Variants in PXDNL observed in about 807,000 individuals in gnomAD.
The protein encoded by PXDNL is probable oxidoreductase PXDNL.
PXDNL carries 145 observed loss-of-function variants against 150.8 expected under a neutral mutation model. That is an observed-to-expected ratio of 0.96 (90% CI 0.84 to 1.10). The LOEUF (loss-of-function observed/expected upper bound fraction) is 1.10, where lower values mean the gene tolerates loss of function less well. PXDNL is among the 50% of genes least tolerant of loss of function. The pLI is 0.00. For missense variants in PXDNL, 2,087 were observed against 1,873.9 expected, an observed-to-expected ratio of 1.11 and a Z score of -2.10; for synonymous variants, 757 against 725.7, an observed-to-expected ratio of 1.04 and a Z score of -0.69.
At chr8:51,427,227 TA>T (rs1191360733) in intron 12 of PXDNL, among the ~76,000 whole-genome samples, 1 of 152,150 alleles carries the variant, frequency 6.6e-6, no homozygotes, top group Non-Finnish European at 1.5e-5. Flanking sequence ...CTGTAACTAT[TA>T]AAAAAATGAA....
intron 1 of PXDNL, among the ~76,000 whole-genome samples, chr8:51,710,256 T>A (rs1408577314): frequency 4.6e-5 from 7 of 152,220 alleles, no homozygotes; most frequent in Admixed American, 4.6e-4. Flanking sequence ...CAAATAGATT[T>A]CTCCTTCCAT....
At chr8:51,393,299 T>C (rs1301224950) in intron 17 of PXDNL, among the ~76,000 whole-genome samples, 1 of 152,224 alleles carries the variant, frequency 6.6e-6, no homozygotes, top group Non-Finnish European at 1.5e-5. Context: ...CTTGACATAC[T>C]TTAAATTATT....
intron 17 of PXDNL, among the ~76,000 whole-genome samples, chr8:51,390,142 C>T (rs1192977565): frequency 6.6e-6 from 1 of 152,010 alleles, no homozygotes; most frequent in African/African-American, 2.4e-5. Flanking sequence ...GGATATAGGC[C>T]AAACTATCCA....
chr8:51,490,418 A>C (rs1477516276), intron 5 of PXDNL, among the ~76,000 whole-genome samples: 1 of 152,016 alleles, frequency 6.6e-6, no homozygotes, highest in Non-Finnish European at 1.5e-5. Flanking sequence ...GAGTAATATA[A>C]AGATAATAAC....
chr8:51,473,993 T>G (rs1196476695), intron 7 of PXDNL, among the ~76,000 whole-genome samples: 1 of 152,174 alleles, frequency 6.6e-6, no homozygotes, highest in African/African-American at 2.4e-5. Flanking sequence ...CAAACTTGAC[T>G]GTGGTTTGAA....
intron 2 of PXDNL, among the ~76,000 whole-genome samples, chr8:51,635,335 G>A (rs1814584774): frequency 6.6e-6 from 1 of 151,946 alleles, no homozygotes; most frequent in Admixed American, 6.6e-5. Flanking sequence ...AAACAGAAAA[G>A]CAAGCTAAAT....
intron 2 of PXDNL, among the ~76,000 whole-genome samples, chr8:51,604,817 G>A (rs1563480506): frequency 1.3e-5 from 2 of 152,022 alleles, no homozygotes; most frequent in African/African-American, 2.4e-5. Context: ...AACTGCTATT[G>A]TGTCATCTTC....
At chr8:51,502,234 C>A (rs1411037128) in intron 4 of PXDNL, among the ~76,000 whole-genome samples, 1 of 152,236 alleles carries the variant, frequency 6.6e-6, no homozygotes, top group African/African-American at 2.4e-5. Context: ...CAATTTCACA[C>A]AGCCAGCCTC....
At chr8:51,545,902 C>CT (rs1360664204) in intron 4 of PXDNL, among the ~76,000 whole-genome samples, 3 of 152,222 alleles carry the variant, frequency 2.0e-5, no homozygotes, top group South Asian at 4.1e-4. Context: ...ATTTTCATCT[C>CT]TATAGCCTCA....
chr8:51,680,254 C>A (rs1358214814), intron 1 of PXDNL, among the ~76,000 whole-genome samples: 1 of 152,132 alleles, frequency 6.6e-6, no homozygotes, highest in Admixed American at 6.5e-5. Flanking sequence ...ATGTGGGGTG[C>A]ATGTGGCTTG....
chr8:51,483,751 T>C (rs1810659186), intron 5 of PXDNL, 37 bp from the exon 6 acceptor site: 1 of 1,152,052 alleles, frequency 8.7e-7, no homozygotes, highest in African/African-American at 1.6e-5. Context: ...CACCATACAA[T>C]AATAATGAAT....
At chr8:51,325,288 A>G (rs1382426100) in intron 21 of PXDNL, among the ~76,000 whole-genome samples, 15 of 152,038 alleles carry the variant, frequency 9.9e-5, no homozygotes, top group Non-Finnish European at 1.5e-4. Context: ...TCGTATTGAA[A>G]CCTGGAGGTT....
At chr8:51,753,252 A>C (rs762909929) in intron 1 of PXDNL, among the ~76,000 whole-genome samples, 2 of 151,850 alleles carry the variant, frequency 1.3e-5, no homozygotes, top group East Asian at 1.9e-4. Context: ...TATTTAAGAC[A>C]AAAAAAAGAG....
rs57092440 is a variant in PXDNL at position 51,361,937 on chromosome 8, C to CAAAAAAAAAAAAAAAA, written c.3901+9920_3901+9935dup. On this transcript the variant is annotated intron_variant, in intron 19 of 22. Coordinates refer to ENST00000356297, the MANE Select transcript of PXDNL (RefSeq NM_144651.5). Reference sequence around the variant, plus strand: ...TGGGCAACAGAGTGAGATTCCATCTCAAAAAAAAAAAAAAAAAAAAAAAAA... The same window carrying CAAAAAAAAAAAAAAAA: ...TGGGCAACAGAGTGAGATTCCATCTCAAAAAAAAAAAAAAAAAAAAAAAAAAAAAAAAAAAAAAAAA... 2.9e-3 allele frequency among the ~76,000 whole-genome samples: 168 copies of CAAAAAAAAAAAAAAAA among 58,104 alleles called. 1 individual carries two copies. Among genetic ancestry groups the CAAAAAAAAAAAAAAAA allele is most frequent in the Middle Eastern group, 0.023 (1 of 44 alleles). The allele number at this position is 58,104 out of a possible 152,430, so 38.1% of individuals were successfully genotyped here.
At chr8:51,567,359 T>C (rs1319950471) in intron 3 of PXDNL, among the ~76,000 whole-genome samples, 2 of 151,878 alleles carry the variant, frequency 1.3e-5, no homozygotes, top group African/African-American at 2.4e-5. Context: ...CAATTGCTGA[T>C]AGAGGCATGT....
At chr8:51,504,104 T>C (rs1299991755) in intron 4 of PXDNL, among the ~76,000 whole-genome samples, 1 of 152,170 alleles carries the variant, frequency 6.6e-6, no homozygotes, top group Non-Finnish European at 1.5e-5. Context: ...GTTTTTTATT[T>C]TGCCTCCTAA....
At chr8:51,760,758 A>G (rs1257271057) in intron 1 of PXDNL, among the ~76,000 whole-genome samples, 1 of 149,912 alleles carries the variant, frequency 6.7e-6, no homozygotes, top group Non-Finnish European at 1.5e-5. Context: ...TTGTCTCTTT[A>G]TAACAGTAAT....
chr8:51,608,009 GAAAGAAAGA>G (rs1813884252), intron 2 of PXDNL, among the ~76,000 whole-genome samples: 1 of 55,306 alleles, frequency 1.8e-5, no homozygotes, highest in Non-Finnish European at 3.2e-5. Flanking sequence ...AAGGAAGAAA[GAAAGAAAGA>G]AAGAAAGAAA....
chr8:51,375,123 T>G (rs1308019105), intron 17 of PXDNL, among the ~76,000 whole-genome samples: 1 of 152,166 alleles, frequency 6.6e-6, no homozygotes, highest in Non-Finnish European at 1.5e-5. Context: ...AATTCAGCAT[T>G]GAGAAATGTC....
Sources: allele counts gnomAD v4.1 joint callset (sites outside exome capture counted in the v4.1 genomes callset), GRCh38; gene constraint gnomAD v4.1.1; transcripts MANE v1.5; gene names NCBI Gene and HGNC (gene_info 2026-07-23, HGNC 2026-07-21).